The following CDH13 variants were observed in gnomAD, a reference collection of about 807,000 sequenced individuals.
CDH13 encodes the protein cadherin 13, also known as cadherin-13.
Under a neutral mutation model 63.8 loss-of-function variants are expected in CDH13, and 24 were observed. That is an observed-to-expected ratio of 0.38 (90% CI 0.27 to 0.53). The LOEUF is 0.53. Among genes scored for constraint, CDH13 ranks in the 20% least tolerant of loss-of-function variants. CDH13 has a pLI of 0.85. For missense variants in CDH13, 1,049 were observed against 903.1 expected (o/e 1.16, Z -2.07); for synonymous variants, 503 against 355.3 (o/e 1.42, Z -4.67).
chr16:82,994,026 G>C (rs1911937998), intron 2 of CDH13, among the ~76,000 whole-genome samples: 1 of 152,154 alleles, frequency 6.6e-6, no homozygotes, highest in African/African-American at 2.4e-5. Flanking sequence ...GTCTTCTGCA[G>C]AGCCAGCCCA....
intron 2 of CDH13, among the ~76,000 whole-genome samples, chr16:83,018,195 A>T (rs1269726393): frequency 4.6e-5 from 7 of 152,098 alleles, no homozygotes; most frequent in Admixed American, 4.6e-4. Context: ...CCTCTGTAAA[A>T]TGGTTGAAAT....
intron 7 of CDH13, among the ~76,000 whole-genome samples, chr16:83,582,503 G>A (rs1433874636): frequency 1.3e-5 from 2 of 152,110 alleles, no homozygotes; most frequent in African/African-American, 4.8e-5. Context: ...AGTAAAAGAT[G>A]TAGAGAAAGC....
chr16:83,035,310 G>A (rs958819276), intron 3 of CDH13, among the ~76,000 whole-genome samples: 8 of 152,104 alleles, frequency 5.3e-5, no homozygotes, highest in Non-Finnish European at 1.2e-4. Flanking sequence ...TGATGCTTGG[G>A]TACCAGGCGG....
chr16:82,727,787 C>G (rs895086851), intron 1 of CDH13: 1 of 152,154 alleles, frequency 6.6e-6, no homozygotes, highest in African/African-American at 2.4e-5. Flanking sequence ...GGAAGACAGG[C>G]AGCCCCAACC....
At chr16:83,256,647 C>T (rs1397139132) in intron 5 of CDH13, among the ~76,000 whole-genome samples, 20 of 133,932 alleles carry the variant, frequency 1.5e-4, no homozygotes, top group African/African-American at 2.3e-4. Flanking sequence ...CTGGCTAACA[C>T]GGTGAAACCC....
chr16:82,680,808 G>T (rs555493819), intron 1 of CDH13, among the ~76,000 whole-genome samples: 2 of 152,180 alleles, frequency 1.3e-5, no homozygotes, highest in Non-Finnish European at 2.9e-5. Context: ...GGAGAAGGGG[G>T]CCAATGGAAC....
chr16:82,730,925 A>AG (rs1293588022), intron 1 of CDH13, among the ~76,000 whole-genome samples: 2 of 152,240 alleles, frequency 1.3e-5, no homozygotes, highest in Non-Finnish European at 2.9e-5. Context: ...TATTAAAAGA[A>AG]GGGTAATATG....
In CDH13 at chr16:82,929,208, G is replaced by C. The variant is rs552566537; in HGVS notation, c.157+70735G>C. ...TTGTGCTCCCCAGAATTCATATTTTGAAACCTAGCTTCCAATGTGATGGTG... is the reference window on the plus strand; with the variant it reads ...TTGTGCTCCCCAGAATTCATATTTTCAAACCTAGCTTCCAATGTGATGGTG... On this transcript the variant is annotated intron_variant, in intron 2 of 13. Coordinates refer to ENST00000567109, the MANE Select transcript of CDH13 (RefSeq NM_001257.5). Among the ~76,000 whole-genome samples, 20 of 152,240 alleles carry C rather than the reference G, an allele frequency of 1.3e-4. No homozygotes were observed. In the South Asian group the frequency reaches 2.3e-3, roughly 17 times the overall value.
intron 2 of CDH13, among the ~76,000 whole-genome samples, chr16:82,971,789 C>G (rs1908787143): frequency 1.3e-5 from 2 of 152,188 alleles, no homozygotes; most frequent in African/African-American, 2.4e-5. Context: ...TTCCCCTTAA[C>G]TGCCTGTGCC....
chr16:83,667,144 G>A (rs974443726), intron 8 of CDH13, among the ~76,000 whole-genome samples: 3 of 152,072 alleles, frequency 2.0e-5, no homozygotes, highest in South Asian at 2.1e-4. Context: ...TAGATAGATG[G>A]ATGGCAGGTA....
chr16:83,426,722 C>A (rs1036137248), intron 6 of CDH13, among the ~76,000 whole-genome samples: 1 of 151,964 alleles, frequency 6.6e-6, no homozygotes, highest in East Asian at 1.9e-4. Flanking sequence ...GAATGATAGT[C>A]CTCATTCTCC....
chr16:83,617,290 C>G (rs1297126982), intron 8 of CDH13, among the ~76,000 whole-genome samples: 1 of 152,152 alleles, frequency 6.6e-6, no homozygotes, highest in African/African-American at 2.4e-5. Flanking sequence ...ATTAACTATC[C>G]TTTCATTCAC....
At chr16:83,014,754 A>ACATATATATATATATATATG (rs1914535620) in intron 2 of CDH13, among the ~76,000 whole-genome samples, 1 of 43,410 alleles carries the variant, frequency 2.3e-5, no homozygotes, top group Non-Finnish European at 4.7e-5. Context: ...ATATATATAT[A>ACATATATATATATATATATG]TATATATATA....
intron 4 of CDH13, among the ~76,000 whole-genome samples, chr16:83,204,556 T>C (rs2039126967): frequency 6.6e-6 from 1 of 152,114 alleles, no homozygotes; most frequent in Middle Eastern, 3.4e-3. Context: ...AAGACAGGAG[T>C]GAGGCTCAGA....
intron 6 of CDH13, among the ~76,000 whole-genome samples, chr16:83,457,554 T>C (rs1322923565): frequency 6.6e-6 from 1 of 152,152 alleles, no homozygotes; most frequent in Non-Finnish European, 1.5e-5. Flanking sequence ...GTTGTCGTTG[T>C]CATCATCATC....
At chr16:82,728,621 T>C (rs570105897) in intron 1 of CDH13, among the ~76,000 whole-genome samples, 2 of 152,288 alleles carry the variant, frequency 1.3e-5, no homozygotes, top group African/African-American at 4.8e-5. Context: ...TTTTTGCTGA[T>C]TGAGGGTCTT....
intron 7 of CDH13, among the ~76,000 whole-genome samples, chr16:83,526,959 C>T (rs552069756): frequency 6.6e-6 from 1 of 152,100 alleles, no homozygotes; most frequent in East Asian, 1.9e-4. Context: ...TGGTGAAACC[C>T]CGTCTATACT....
intron 7 of CDH13, among the ~76,000 whole-genome samples, chr16:83,490,835 G>A (rs545310305): frequency 9.9e-5 from 15 of 152,278 alleles, no homozygotes; most frequent in Admixed American, 2.6e-4. Flanking sequence ...AGACATGTGC[G>A]TTTTCCATTA....
At chr16:83,386,959 C>T (rs2091686271) in intron 6 of CDH13, among the ~76,000 whole-genome samples, 2 of 152,234 alleles carry the variant, frequency 1.3e-5, no homozygotes, top group South Asian at 2.1e-4. Flanking sequence ...GAAACATCAT[C>T]TTTAGCTCCC....
Sources: gnomAD v4.1 joint callset for allele counts (sites outside exome capture counted in the v4.1 genomes callset) on GRCh38, gnomAD v4.1.1 for gene constraint, MANE v1.5 for transcripts, NCBI Gene and HGNC (gene_info 2026-07-23, HGNC 2026-07-21) for gene names.